The following ZCCHC14 variants were observed in gnomAD, a reference collection of about 807,000 sequenced individuals.
The protein encoded by ZCCHC14 is zinc finger CCHC domain-containing protein 14.
Under a neutral mutation model 85.0 loss-of-function variants are expected in ZCCHC14, and 16 were observed. That is an observed-to-expected ratio of 0.19 (90% CI 0.13 to 0.29). ZCCHC14 has a LOEUF of 0.29. ZCCHC14 is among the 10% of genes least tolerant of loss of function. The probability of loss-of-function intolerance (pLI) is 1.00; values close to 1 mark genes in which losing one functional copy is unlikely to be tolerated. For missense variants in ZCCHC14, 1,303 were observed against 1,443.5 expected, an observed-to-expected ratio of 0.90 and a Z score of 1.58; for synonymous variants, 775 against 630.7, an observed-to-expected ratio of 1.23 and a Z score of -3.43.
At chr16:87,483,412 A>T (rs937626049) in intron 1 of ZCCHC14, among the ~76,000 whole-genome samples, 6 of 151,296 alleles carry the variant, frequency 4.0e-5, no homozygotes, top group African/African-American at 1.5e-4. Context: ...AATTGCTTGA[A>T]CCCGGGAGGC....
chr16:87,465,824 ATTTT>A (rs1301684120), intron 1 of ZCCHC14, among the ~76,000 whole-genome samples: 1 of 151,936 alleles, frequency 6.6e-6, no homozygotes, highest in African/African-American at 2.4e-5. Context: ...GCCTCCTCTT[ATTTT>A]TTTATTAAAA....
At chr16:87,453,447 C>T (rs759425918) in intron 2 of ZCCHC14, among the ~76,000 whole-genome samples, 1 of 152,224 alleles carries the variant, frequency 6.6e-6, no homozygotes, top group African/African-American at 2.4e-5. Flanking sequence ...CCTGTCAGTT[C>T]CCCCGTCAGT....
At chr16:87,433,021 G>C in intron 3 of ZCCHC14, 107 bp downstream of exon 3, 1 of 1,207,590 alleles carries the variant, frequency 8.3e-7, no homozygotes, top group Non-Finnish European at 1.2e-6. Context: ...CACTGGCACG[G>C]GGCTTTGCAC....
At chr16:87,469,431 T>C (rs1911679131) in intron 1 of ZCCHC14, among the ~76,000 whole-genome samples, 1 of 152,228 alleles carries the variant, frequency 6.6e-6, no homozygotes, top group Non-Finnish European at 1.5e-5. Context: ...TACAGAGGTC[T>C]GTGATTTGTG....
At chr16:87,427,442 T>C (rs1412094140) in intron 3 of ZCCHC14, among the ~76,000 whole-genome samples, 1 of 152,298 alleles carries the variant, frequency 6.6e-6, no homozygotes, top group East Asian at 1.9e-4. Context: ...AGAGTTTTGC[T>C]CTGCTGCCCA....
At chr16:87,486,690 C>T (rs1371207346) in intron 1 of ZCCHC14, among the ~76,000 whole-genome samples, 1 of 152,230 alleles carries the variant, frequency 6.6e-6, no homozygotes, top group Non-Finnish European at 1.5e-5. Context: ...AAAAGATCCA[C>T]TATGTGTTAG....
intron 1 of ZCCHC14, among the ~76,000 whole-genome samples, chr16:87,487,434 C>A (rs1269361169): frequency 1.3e-5 from 2 of 152,246 alleles, no homozygotes; most frequent in African/African-American, 2.4e-5. Flanking sequence ...CCTGCTCCCC[C>A]ATACCTGTCG....
At chr16:87,476,907 A>G (rs12598605) in intron 1 of ZCCHC14, among the ~76,000 whole-genome samples, 1 of 151,882 alleles carries the variant, frequency 6.6e-6, no homozygotes, top group African/African-American at 2.4e-5. Flanking sequence ...AGGGCAGATC[A>G]CAAGGTAAGG....
chr16:87,418,932 T>A (rs758166587), intron 6 of ZCCHC14, 31 bp from the exon 7 acceptor site: 6 of 1,544,420 alleles, frequency 3.9e-6, no homozygotes, highest in South Asian at 1.2e-5. Context: ...ACCATAAAAA[T>A]TTACAGACAA....
chr16:87,411,240 C>T (rs1347394666), intron 12 of ZCCHC14, among the ~76,000 whole-genome samples: 1 of 152,162 alleles, frequency 6.6e-6, no homozygotes, highest in East Asian at 1.9e-4. Flanking sequence ...TCTCTGGGCT[C>T]GAATCAGGAC....
At chr16:87,410,860 A>G (rs1908398030) in intron 12 of ZCCHC14, among the ~76,000 whole-genome samples, 1 of 152,202 alleles carries the variant, frequency 6.6e-6, no homozygotes, top group Non-Finnish European at 1.5e-5. Flanking sequence ...TGCAACCCTT[A>G]GAAGCAACTG....
chr16:87,430,324 C>A (rs536026467), intron 3 of ZCCHC14, among the ~76,000 whole-genome samples: 82 of 152,222 alleles, frequency 5.4e-4, no homozygotes, highest in Non-Finnish European at 9.6e-4. Context: ...CTCCTTCATA[C>A]CCGGCCTGTG....
intron 1 of ZCCHC14, chr16:87,473,583 T>C (rs560068712): frequency 6.6e-6 from 1 of 152,340 alleles, no homozygotes; most frequent in South Asian, 2.1e-4. Context: ...TATGCTTAAA[T>C]ACTGGGGTTT....
chr16:87,458,100 GAA>G lies in ZCCHC14; in HGVS notation c.694+1906_694+1907del, dbSNP rs10712790. ...ATACTCGCTACTTTGAAATTATACA[GAA>G]AAAAAAAAAAAAGAATGGGGATGTC... On this transcript the variant is annotated intron_variant, in intron 2 of 12. Coordinates refer to ENST00000671377, the MANE Select transcript of ZCCHC14 (RefSeq NM_015144.3). Among the ~76,000 whole-genome samples the G allele has an allele frequency of 2.2e-3, 316 of 144,788 alleles. 1 individual carries two copies. The highest frequency in any genetic ancestry group is 0.018 in the East Asian group (87 of 4,900). 95.0% of individuals were successfully genotyped at this position (144,788 alleles called of 152,430 possible). A position where few individuals can be genotyped will look rare whatever the true frequency, so the allele number is the denominator to read the frequency against.
At chr16:87,478,734 G>A (rs1277542924) in intron 1 of ZCCHC14, among the ~76,000 whole-genome samples, 1 of 151,868 alleles carries the variant, frequency 6.6e-6, no homozygotes, top group Non-Finnish European at 1.5e-5. Flanking sequence ...AGCCTCCCGA[G>A]TAGCTGGGAT....
chr16:87,460,226 T>C (rs1911193536), intron 1 of ZCCHC14, 95 bp from the exon 2 acceptor site: 7 of 1,463,966 alleles, frequency 4.8e-6, no homozygotes, highest in Admixed American at 2.2e-5. Context: ...ATTACCTTGG[T>C]TTCCATTTTT....
At chr16:87,451,577 T>TA (rs1268271640) in intron 2 of ZCCHC14, among the ~76,000 whole-genome samples, 1 of 152,242 alleles carries the variant, frequency 6.6e-6, no homozygotes, top group Admixed American at 6.5e-5. Flanking sequence ...CATATTAAGG[T>TA]AAACATTCTG....
In ZCCHC14 at chr16:87,439,280, C is replaced by T. The variant is rs183636192; in HGVS notation, c.695-6079G>A. On this transcript the variant is annotated intron_variant, in intron 2 of 12. Coordinates refer to ENST00000671377, the MANE Select transcript of ZCCHC14 (RefSeq NM_015144.3). ...TCCTGAGCAGCTGGGACTACAGGCA[C>T]GCACCACCATGCCCAGCTAATTTTT... 1.2e-4 allele frequency among the ~76,000 whole-genome samples: 18 copies of T among 152,148 alleles called. No homozygotes were observed. In the East Asian group the frequency reaches 3.3e-3, roughly 28 times the overall value.
chr16:87,413,530 G>C (rs1162955283), intron 10 of ZCCHC14, among the ~76,000 whole-genome samples: 2 of 151,386 alleles, frequency 1.3e-5, no homozygotes, highest in Non-Finnish European at 1.5e-5. Flanking sequence ...GAGTCACGGA[G>C]ATCTTTTCAG....
Sources: allele counts gnomAD v4.1 joint callset (sites outside exome capture counted in the v4.1 genomes callset), GRCh38; gene constraint gnomAD v4.1.1; transcripts MANE v1.5; gene names NCBI Gene and HGNC (gene_info 2026-07-23, HGNC 2026-07-21).